RBFOX1: variants seen among roughly 807,000 people sequenced by gnomAD.
RBFOX1 encodes RNA binding fox-1 homolog 1, also known as RNA binding protein fox-1 homolog 1.
RBFOX1 carries 8 observed loss-of-function variants against 57.7 expected under a neutral mutation model. The observed-to-expected ratio is 0.14, with a 90% CI of 0.08 to 0.25. The LOEUF is 0.25. Among genes scored for constraint, RBFOX1 ranks in the 10% least tolerant of loss-of-function variants. RBFOX1 has a pLI of 1.00. For missense variants in RBFOX1, 611 were observed against 548.5 expected (o/e 1.11, Z -1.14); for synonymous variants, 326 against 222.4 (o/e 1.47, Z -4.15).
intron 3 of RBFOX1, among the ~76,000 whole-genome samples, chr16:6,695,713 A>T (rs1020984882): frequency 6.6e-6 from 1 of 152,218 alleles, no homozygotes; most frequent in Non-Finnish European, 1.5e-5. Context: ...AATGACTGTC[A>T]CTTATTTTGG....
At chr16:5,577,752 G>GA (rs1015269169) in intron 2 of RBFOX1, among the ~76,000 whole-genome samples, 37 of 152,160 alleles carry the variant, frequency 2.4e-4, no homozygotes, top group Middle Eastern at 3.4e-3. Context: ...TAATATTCCT[G>GA]AAAAAACTAA....
intron 5 of RBFOX1, among the ~76,000 whole-genome samples, chr16:7,562,913 G>T (rs192710030): frequency 3.3e-5 from 5 of 152,288 alleles, no homozygotes; most frequent in African/African-American, 9.6e-5. Context: ...CTTTAAAGTG[G>T]ACTGGCCTGA....
chr16:5,408,037 G>A (rs2066912346), intron 1 of RBFOX1, among the ~76,000 whole-genome samples: 1 of 152,144 alleles, frequency 6.6e-6, no homozygotes, highest in South Asian at 2.1e-4. Context: ...CCCCTGCTGA[G>A]GGCCCTGCAG....
chr16:6,328,596 T>C (rs757851900), intron 2 of RBFOX1, among the ~76,000 whole-genome samples: 10 of 152,148 alleles, frequency 6.6e-5, no homozygotes, highest in Non-Finnish European at 1.0e-4. Flanking sequence ...GACAACCAAA[T>C]GAGGATTCAA....
intron 2 of RBFOX1, among the ~76,000 whole-genome samples, chr16:5,558,381 C>T (rs937264802): frequency 1.8e-4 from 27 of 152,250 alleles, no homozygotes; most frequent in African/African-American, 6.5e-4. Context: ...CATGTCCTCA[C>T]CACCTACCCA....
intron 4 of RBFOX1, among the ~76,000 whole-genome samples, chr16:7,390,851 A>G (rs936314913): frequency 6.6e-6 from 1 of 152,106 alleles, no homozygotes; most frequent in Non-Finnish European, 1.5e-5. Flanking sequence ...GTTTGCTGTG[A>G]TTTGTACGCC....
At chr16:6,824,912 T>G (rs1379125280) in intron 3 of RBFOX1, among the ~76,000 whole-genome samples, 1 of 150,680 alleles carries the variant, frequency 6.6e-6, no homozygotes, top group African/African-American at 2.4e-5. Flanking sequence ...CCATCTTCCC[T>G]AGAGGCAACC....
chr16:6,956,674 T>C (rs1276036463), intron 3 of RBFOX1, among the ~76,000 whole-genome samples: 1 of 152,182 alleles, frequency 6.6e-6, no homozygotes, highest in African/African-American at 2.4e-5. Flanking sequence ...CAGTTATCTA[T>C]TGCATCATAT....
At chr16:6,497,792 A>G (rs7203825) in intron 2 of RBFOX1, among the ~76,000 whole-genome samples, 19,452 of 151,890 alleles carry the variant, frequency 0.13, 1,784 homozygotes, top group African/African-American at 0.25. Flanking sequence ...CCTGACCTCA[A>G]GTGATCCACC....
intron 4 of RBFOX1, among the ~76,000 whole-genome samples, chr16:7,329,798 G>C (rs1447658574): frequency 1.3e-5 from 2 of 152,164 alleles, no homozygotes; most frequent in African/African-American, 4.8e-5. Flanking sequence ...TTGTATCATG[G>C]CGTTCTTAAG....
chr16:6,252,143 A>G (rs1298653586), intron 1 of RBFOX1, among the ~76,000 whole-genome samples: 1 of 152,016 alleles, frequency 6.6e-6, no homozygotes, highest in Non-Finnish European at 1.5e-5. Flanking sequence ...GGGGAAGAGA[A>G]TGTTTTATCT....
In RBFOX1 at chr16:7,632,893, C is replaced by T. The variant is rs189573911; in HGVS notation, c.757+2210C>T. Among the ~76,000 whole-genome samples the T allele has an allele frequency of 5.8e-3, 884 of 151,402 alleles. 5 individuals are homozygous for T. The highest frequency in any genetic ancestry group is 8.2e-3 in the Non-Finnish European group (552 of 67,470). On this transcript the variant is annotated intron_variant, in intron 11 of 15. Transcript: ENST00000550418. The stretch of plus-strand genomic sequence containing the variant: ...TTTCAATTTTCTTTACAGAAGTGAA[C>T]AAAACAATCAACTCCAAAAGTGTGC...
chr16:6,464,108 G>C (rs888641561), intron 2 of RBFOX1, among the ~76,000 whole-genome samples: 1 of 152,090 alleles, frequency 6.6e-6, no homozygotes, highest in African/African-American at 2.4e-5. Context: ...CTTTTTCATC[G>C]AAATGTGGGC....
chr16:5,465,440 A>AC (rs1255846719), intron 1 of RBFOX1, among the ~76,000 whole-genome samples: 1 of 152,184 alleles, frequency 6.6e-6, no homozygotes, highest in Non-Finnish European at 1.5e-5. Context: ...GGTTGCAAAC[A>AC]CAGGAGTTTT....
intron 3 of RBFOX1, chr16:7,004,187 A>C (rs1430815823): frequency 6.6e-6 from 1 of 152,128 alleles, no homozygotes; most frequent in Non-Finnish European, 1.5e-5. Flanking sequence ...TGCATAGAAG[A>C]ATCTGTAATG....
rs1047122918 is a variant in RBFOX1 at position 6,870,383 on chromosome 16, A to G, written c.-15-181674A>G. Among the ~76,000 whole-genome samples the G allele has an allele frequency of 5.9e-5, 9 of 152,082 alleles. 1 individual carries two copies. Among genetic ancestry groups the G allele is most frequent in the Admixed American group, 4.6e-4 (7 of 15,266 alleles). ...CTCCTATTGGATTTTCACATATCTC[A>G]TTTGCATTTGGATTGTTTCAGCAAG... is the stretch of plus-strand genomic sequence containing the variant. On this transcript the variant is annotated intron_variant, in intron 3 of 15. Coordinates refer to ENST00000550418, the MANE Select transcript of RBFOX1 (RefSeq NM_018723.4).
At chr16:6,658,943 TTG>T (rs1491019434) in intron 3 of RBFOX1, among the ~76,000 whole-genome samples, 241 of 137,496 alleles carry the variant, frequency 1.8e-3, no homozygotes, top group African/African-American at 5.9e-3. Context: ...TTTGTTTTTT[TTG>T]TTTTTTTTTT....
At chr16:6,737,344 A>G (rs951632169) in intron 3 of RBFOX1, among the ~76,000 whole-genome samples, 1 of 146,916 alleles carries the variant, frequency 6.8e-6, no homozygotes, top group African/African-American at 2.4e-5. Context: ...ATAAAAATGC[A>G]TCAGTTTTAT....
At chr16:6,899,689 A>G (rs1214709928) in intron 3 of RBFOX1, among the ~76,000 whole-genome samples, 2 of 152,190 alleles carry the variant, frequency 1.3e-5, no homozygotes, top group East Asian at 3.9e-4. Context: ...AATTATCTCT[A>G]CAGATTTTCT....
Sources: gnomAD v4.1 joint callset for allele counts (sites outside exome capture counted in the v4.1 genomes callset) on GRCh38, gnomAD v4.1.1 for gene constraint, MANE v1.5 for transcripts, NCBI Gene and HGNC (gene_info 2026-07-23, HGNC 2026-07-21) for gene names.